The following ZFYVE27 variants were observed in gnomAD, a reference collection of about 807,000 sequenced individuals.
ZFYVE27 encodes the protein zinc finger FYVE-type containing 27.
Under a neutral mutation model 52.8 loss-of-function variants are expected in ZFYVE27, and 36 were observed. The observed-to-expected ratio is 0.68, with a 90% CI of 0.52 to 0.90. The LOEUF is 0.90. Ranked by LOEUF, ZFYVE27 falls within the 40% of genes least tolerant of loss-of-function variation. The probability of loss-of-function intolerance (pLI) is 0.00; values close to 1 mark genes in which losing one functional copy is unlikely to be tolerated. For synonymous variants in ZFYVE27, 223 were observed against 215.6 expected (o/e 1.03, Z -0.30); for missense variants, 450 against 527.2 (o/e 0.85, Z 1.43).
At chr10:97,748,208 C>T (rs2045971514) in intron 4 of ZFYVE27, 61 bp from the exon 5 acceptor site, 2 of 1,532,232 alleles carry the variant, frequency 1.3e-6, no homozygotes, top group Non-Finnish European at 9.0e-7. Context: ...CCTGCAAGGC[C>T]CCAGGCTCCA....
chr10:97,755,949 C>T (rs2048247114), intron 10 of ZFYVE27, among the ~76,000 whole-genome samples: 1 of 152,164 alleles, frequency 6.6e-6, no homozygotes, highest in African/African-American at 2.4e-5. Flanking sequence ...GGGAACGTCA[C>T]CTGGCTGAGC....
In ZFYVE27 at chr10:97,760,033, A is replaced by G. The variant is rs74809305; in HGVS notation, c.*733A>G. 1,947 of 154,178 alleles carry G rather than the reference A, an allele frequency of 0.013. 37 individuals carry two copies. Among genetic ancestry groups the G allele is most frequent in the African/African-American group, 0.045 (1,853 of 41,600 alleles). 9.6% of individuals were successfully genotyped at this position (154,178 alleles called of 1,614,324 possible). ...AAGACACCTCAATTCACAGACTCTC[A>G]GCCCACACAATGCCCCAGTGTCCCC... On this transcript the variant is annotated 3_prime_UTR_variant, in exon 13 of 13. Transcript: ENST00000684270.
At position 97,749,474 on chromosome 10, in the gene ZFYVE27, G is replaced by T. The variant is rs762985529; in HGVS notation, c.552G>T (p.Gln184His). Residue 184 changes from glutamine to histidine, a missense_variant and splice_region_variant, in exon 6 of 13, where the codon CAG (glutamine) becomes CAT (histidine). Gln to His is a conservative substitution (Grantham distance 24). Coordinates refer to ENST00000684270, the MANE Select transcript of ZFYVE27 (RefSeq NM_001385875.1). The part of the protein sequence containing the change: ...LHWENPVVSS[Q>H]FYGALLGTVC... ...CTTGTGGTTCTTCCCTGTCATCCAGGTTCTATGGGGCTCTTCTGGGCACAG... is the reference window on the plus strand; with the variant it reads ...CTTGTGGTTCTTCCCTGTCATCCAGTTTCTATGGGGCTCTTCTGGGCACAG... 5.0e-6 allele frequency: 8 copies of T among 1,613,640 alleles called. No individual in the cohort carries two copies. Among genetic ancestry groups the T allele is most frequent in the Non-Finnish European group, 6.8e-6 (8 of 1,179,564 alleles).
chr10:97,751,351 T>G, intron 7 of ZFYVE27, 40 bp from the exon 8 acceptor site: 1 of 1,610,006 alleles, frequency 6.2e-7, no homozygotes, highest in Non-Finnish European at 8.5e-7. Context: ...GGAGCAGCGC[T>G]GCCATCCTTC....
intron 11 of ZFYVE27, 152 bp downstream of exon 11, chr10:97,757,463 G>A: frequency 7.5e-7 from 1 of 1,330,018 alleles, no homozygotes; most frequent in Middle Eastern, 1.8e-4. Context: ...CCCTGCGCCT[G>A]TGCCACCTTT....
In ZFYVE27 at chr10:97,737,142, A is replaced by C. The variant is rs2135829665; in HGVS notation, c.-181A>C. ...AGCCGCAGAGCGATTCGCGTCCCGG[A>C]AGCGGCGGTGGCGGCCGCGGCGTAG... On this transcript the variant is annotated 5_prime_UTR_variant, in exon 1 of 13. Transcript: ENST00000684270. The C allele has an allele frequency of 1.3e-5, 2 of 152,704 alleles. No homozygotes were observed. Among genetic ancestry groups the C allele is most frequent in the East Asian group, 3.8e-4 (2 of 5,196 alleles). 9.5% of individuals were successfully genotyped at this position (152,704 alleles called of 1,614,324 possible).
Position 97,751,472 on chromosome 10 carries a change from C to A in ZFYVE27, c.876+10C>A, listed in dbSNP as rs751730380. 3.7e-6 allele frequency: 6 copies of A among 1,613,360 alleles called. No homozygotes were observed. The highest frequency in any genetic ancestry group is 5.1e-6 in the Non-Finnish European group (6 of 1,179,602). On this transcript the variant is annotated intron_variant, in intron 8 of 12. Coordinates refer to ENST00000684270, the MANE Select transcript of ZFYVE27 (RefSeq NM_001385875.1). Reference sequence around the variant, plus strand: ...TAAAGATGCGATTGAGGTGGGTGGCCCTTCCCCAGCATCCTCTACTCAGCA... The same window carrying A: ...TAAAGATGCGATTGAGGTGGGTGGCACTTCCCCAGCATCCTCTACTCAGCA...
rs766267345 is a variant in ZFYVE27 at position 97,753,229 on chromosome 10, C to T, written c.1042+47C>T. 5.7e-6 allele frequency: 9 copies of T among 1,584,880 alleles called. No homozygotes were observed. The Admixed American group carries it at 9.0e-5, about 16-fold the overall frequency. ...GGGCTGGTGGGGGAGTGGGGGTGGA[C>T]TTCTGGGACTCTAGTGGGGAACACC... On this transcript the variant is annotated intron_variant, in intron 10 of 12. Coordinates refer to ENST00000684270, the MANE Select transcript of ZFYVE27 (RefSeq NM_001385875.1).
Position 97,754,607 on chromosome 10 carries a change from G to C in ZFYVE27, c.1042+1425G>C, listed in dbSNP as rs2047872522. Reference sequence around the variant, plus strand: ...TAGGATTACAAGTGTGAGCCACCACGCCCGGCCCCTTTGTTTTATTTATGC... The same window carrying C: ...TAGGATTACAAGTGTGAGCCACCACCCCCGGCCCCTTTGTTTTATTTATGC... On this transcript the variant is annotated intron_variant, in intron 10 of 12. Coordinates refer to ENST00000684270, the MANE Select transcript of ZFYVE27 (RefSeq NM_001385875.1). 6 of 1,266,410 alleles carry C rather than the reference G, an allele frequency of 4.7e-6. No individual in the cohort carries two copies. The South Asian group carries it at 7.8e-5, about 16-fold the overall frequency. The allele number at this position is 1,266,410 out of a possible 1,614,324, so 78.4% of individuals were successfully genotyped here.
intron 7 of ZFYVE27, 130 bp from the exon 8 acceptor site, chr10:97,751,257 GTTCC>G: frequency 2.0e-6 from 2 of 1,000,376 alleles, no homozygotes. Flanking sequence ...CTTCCTGTGA[GTTCC>G]TTCTTTCTTG....
Position 97,754,603 on chromosome 10 carries a change from C to T in ZFYVE27, c.1042+1421C>T, listed in dbSNP as rs938292255. ...GTGTTAGGATTACAAGTGTGAGCCA[C>T]CACGCCCGGCCCCTTTGTTTTATTT... On this transcript the variant is annotated intron_variant, in intron 10 of 12. Transcript: ENST00000684270. 1.5e-4 allele frequency: 188 copies of T among 1,258,378 alleles called. 1 individual carries two copies. Among genetic ancestry groups the T allele is most frequent in the Non-Finnish European group, 1.9e-4 (183 of 972,902 alleles). The allele number at this position is 1,258,378 out of a possible 1,614,324, so 78.0% of individuals were successfully genotyped here. A position where few individuals can be genotyped will look rare whatever the true frequency, so the allele number is the denominator to read the frequency against.
intron 8 of ZFYVE27, 44 bp downstream of exon 8, chr10:97,751,506 A>T: frequency 1.3e-6 from 2 of 1,597,700 alleles, no homozygotes; most frequent in South Asian, 2.2e-5. Context: ...CAGGCCAGAA[A>T]TTGGGTGGTC....
chr10:97,757,755 T>G, intron 12 of ZFYVE27, 32 bp downstream of exon 12: 1 of 1,608,582 alleles, frequency 6.2e-7, no homozygotes, highest in Non-Finnish European at 8.5e-7. Flanking sequence ...AGGGCTTGGT[T>G]GGTATCCCGC....
chr10:97,740,325 G>A (rs564039880), intron 2 of ZFYVE27, among the ~76,000 whole-genome samples: 1 of 152,222 alleles, frequency 6.6e-6, no homozygotes, highest in African/African-American at 2.4e-5. Flanking sequence ...GTGTTCCAGA[G>A]CTGTGTTCTC....
At position 97,753,099 on chromosome 10, in the gene ZFYVE27, T is replaced by C. The variant is rs1206422454; in HGVS notation, c.959T>C (p.Phe320Ser). ...GAGCTGGCCCTGCAGGACAACGGGT[T>C]CCTGAGCAAGAATGAGGTGCTGCGC... is the stretch of plus-strand genomic sequence containing the variant. ...EDELALQDNG[F>S]LSKNEVLRSK... Residue 320 changes from phenylalanine to serine, a missense_variant, in exon 10 of 13, where the codon TTC becomes TCC. Phe to Ser is a radical substitution (Grantham distance 155). Transcript: ENST00000684270. The C allele has an allele frequency of 6.2e-7, 1 of 1,611,662 alleles. No individual in the cohort carries two copies. The highest frequency in any genetic ancestry group is 8.5e-7 in the Non-Finnish European group (1 of 1,179,202).
At chr10:97,740,674 C>T (rs1455104334) in intron 2 of ZFYVE27, among the ~76,000 whole-genome samples, 1 of 152,148 alleles carries the variant, frequency 6.6e-6, no homozygotes, top group African/African-American at 2.4e-5. Flanking sequence ...ACTTAAAAGC[C>T]CCCAGGAGCC....
chr10:97,743,682 C>T (rs2136017017), intron 3 of ZFYVE27, among the ~76,000 whole-genome samples: 1 of 152,320 alleles, frequency 6.6e-6, no homozygotes, highest in East Asian at 1.9e-4. Flanking sequence ...TGTTGCTTTT[C>T]TCTGGTTCAG....
chr10:97,738,388 T>A, intron 1 of ZFYVE27, 89 bp from the exon 2 acceptor site: 1 of 1,440,930 alleles, frequency 6.9e-7, no homozygotes, highest in Non-Finnish European at 9.7e-7. Flanking sequence ...TGCTCACAGG[T>A]TTACTGTTGG....
At chr10:97,758,360 G>C (rs1029488151) in intron 12 of ZFYVE27, among the ~76,000 whole-genome samples, 1 of 125,042 alleles carries the variant, frequency 8.0e-6, no homozygotes, top group African/African-American at 3.1e-5. Context: ...TTTCACTCTT[G>C]TTGCCCAGGC....
Sources: allele counts gnomAD v4.1 joint callset (sites outside exome capture counted in the v4.1 genomes callset), GRCh38; gene constraint gnomAD v4.1.1; transcripts MANE v1.5; gene names NCBI Gene and HGNC (gene_info 2026-07-23, HGNC 2026-07-21).